The following ZBBX variants were observed in gnomAD, a reference collection of about 807,000 sequenced individuals.
ZBBX encodes zinc finger B-box domain-containing protein 1.
ZBBX carries 101 observed loss-of-function variants against 108.5 expected under a neutral mutation model. The ratio of observed to expected loss-of-function variants is 0.93; its 90% CI spans 0.79 to 1.10. The LOEUF is 1.10. Ranked by LOEUF, ZBBX falls within the 50% of genes least tolerant of loss-of-function variation. ZBBX has a pLI of 0.00. For missense variants in ZBBX, 1,009 were observed against 941.4 expected, an observed-to-expected ratio of 1.07 and a Z score of -0.94; for synonymous variants, 356 against 323.4, an observed-to-expected ratio of 1.10 and a Z score of -1.08.
At chr3:167,302,157 G>A (rs886795869) in intron 17 of ZBBX, among the ~76,000 whole-genome samples, 1 of 152,036 alleles carries the variant, frequency 6.6e-6, no homozygotes, top group African/African-American at 2.4e-5. Context: ...TGTTCCATGT[G>A]TTCTTACAAA....
chr3:167,191,896 C>CAT, the ZBBX span, among the ~76,000 whole-genome samples: 3,678 of 67,498 alleles, frequency 0.054, 240 homozygotes, highest in Middle Eastern at 0.08. Context: ...TTACAAAAAT[C>CAT]ATATATATAT....
the ZBBX span, among the ~76,000 whole-genome samples, chr3:167,179,887 A>T: frequency 6.6e-6 from 1 of 152,224 alleles, no homozygotes; most frequent in Non-Finnish European, 1.5e-5. Context: ...AATACCCACA[A>T]AGTCAAATAA....
intron 12 of ZBBX, among the ~76,000 whole-genome samples, chr3:167,320,103 C>G (rs781407883): frequency 5.3e-5 from 8 of 151,308 alleles, no homozygotes; most frequent in Non-Finnish European, 7.4e-5. Flanking sequence ...ATGATCACAC[C>G]TAGAGTCCAG....
At chr3:167,226,186 A>G in the ZBBX span, among the ~76,000 whole-genome samples, 1 of 151,752 alleles carries the variant, frequency 6.6e-6, no homozygotes, top group Admixed American at 6.6e-5. Flanking sequence ...TTAGAGCCAG[A>G]TTTTCAGACT....
At chr3:167,230,299 A>C in the ZBBX span, among the ~76,000 whole-genome samples, 1 of 151,976 alleles carries the variant, frequency 6.6e-6, no homozygotes, top group South Asian at 2.1e-4. Flanking sequence ...TTTCTTTATT[A>C]AGTTGATATT....
At chr3:167,213,901 AT>A in the ZBBX span, among the ~76,000 whole-genome samples, 1 of 152,114 alleles carries the variant, frequency 6.6e-6, no homozygotes. Flanking sequence ...GAAAAAAAAA[AT>A]CTTCAACCAA....
chr3:167,233,096 G>A, the ZBBX span, among the ~76,000 whole-genome samples: 1 of 151,678 alleles, frequency 6.6e-6, no homozygotes, highest in Non-Finnish European at 1.5e-5. Context: ...AGAAGCCTAT[G>A]GCATACCAGA....
intron 9 of ZBBX, among the ~76,000 whole-genome samples, chr3:167,339,824 C>T (rs951051347): frequency 2.6e-5 from 4 of 152,038 alleles, no homozygotes; most frequent in Non-Finnish European, 5.9e-5. Flanking sequence ...CTCCTTGCCT[C>T]TCACGCGTCG....
chr3:167,393,446 G>A (rs1000865004), intron 1 of ZBBX, among the ~76,000 whole-genome samples: 4 of 151,646 alleles, frequency 2.6e-5, no homozygotes, highest in African/African-American at 4.8e-5. Context: ...ATTTTATCAT[G>A]ATCTTGCTTA....
At position 167,263,015 on chromosome 3, in the gene ZBBX, TTGTG is replaced by T. The variant is rs1295634454; in HGVS notation, c.2254+19219_2254+19222del. Among the ~76,000 whole-genome samples, 20 of 151,192 alleles carry T rather than the reference TTGTG, an allele frequency of 1.3e-4. 1 individual carries two copies. In the South Asian group the frequency reaches 4.2e-3, roughly 32 times the overall value. ...TTCTTCCACTAATTTGAGGTTTGGTTTGTGCTTGCTTTTCTAGTTCTTTTTTTTT... is the reference window on the plus strand; with the variant it reads ...TTCTTCCACTAATTTGAGGTTTGGTTCTTGCTTTTCTAGTTCTTTTTTTTT... On this transcript the variant is annotated intron_variant, in intron 20 of 21. Transcript: ENST00000675490.
At chr3:167,212,352 T>C in the ZBBX span, among the ~76,000 whole-genome samples, 1 of 152,154 alleles carries the variant, frequency 6.6e-6, no homozygotes, top group East Asian at 1.9e-4. Flanking sequence ...ATTGAGCCAG[T>C]ACCAACTCAG....
At position 167,369,235 on chromosome 3, in the gene ZBBX, T is replaced by C. The variant is rs1560194028; in HGVS notation, c.69-661A>G. Among the ~76,000 whole-genome samples the C allele has an allele frequency of 2.0e-5, 3 of 152,366 alleles. No homozygotes were observed. The East Asian group carries it at 5.8e-4, about 29-fold the overall frequency. The stretch of plus-strand genomic sequence containing the variant: ...TATTAGCCACCGACTCTTTCTTTCA[T>C]AGATCTAACCCAAACTAATTCTCTA... On this transcript the variant is annotated intron_variant, in intron 4 of 21. Coordinates refer to ENST00000675490, the MANE Select transcript of ZBBX (RefSeq NM_001199201.2).
chr3:167,223,778 C>T, the ZBBX span, among the ~76,000 whole-genome samples: 2 of 151,832 alleles, frequency 1.3e-5, no homozygotes, highest in African/African-American at 4.8e-5. Flanking sequence ...CTTAAGAATT[C>T]ATAGCTTTTA....
At chr3:167,370,401 C>T (rs1257298538) in intron 4 of ZBBX, among the ~76,000 whole-genome samples, 1 of 152,154 alleles carries the variant, frequency 6.6e-6, no homozygotes, top group Non-Finnish European at 1.5e-5. Flanking sequence ...ACAGACCATT[C>T]TGAAATGGGC....
Position 167,242,528 on chromosome 3 carries a change from AC to A in ZBBX, c.2369del (p.Gly790ValfsTer8), listed in dbSNP as rs781297155. ...ACCTCAATTCCTCAACTCCACAGGG[AC>A]CCCTCACATGTGAGGTCTTAAGGAA... ...TDFLKTSHVRGPCGVEELSCS... is the reference protein window; with the variant it reads ...TDFLKTSHVRXPCGVEELSCS... On this transcript the variant is annotated frameshift_variant, in exon 21 of 22. Transcript: ENST00000675490. LOFTEE classifies it low-confidence loss of function (END_TRUNC). 1 of 1,611,852 alleles carries A rather than the reference AC, an allele frequency of 6.2e-7. No homozygotes were observed. Among genetic ancestry groups the A allele is most frequent in the South Asian group, 1.1e-5 (1 of 90,616 alleles).
chr3:167,342,530 C>T (rs984705398), intron 9 of ZBBX, among the ~76,000 whole-genome samples: 5 of 151,656 alleles, frequency 3.3e-5, no homozygotes, highest in African/African-American at 1.2e-4. Context: ...AACACCCCTA[C>T]ATGCATCCAT....
chr3:167,380,569 G>C (rs1375910677), upstream of ZBBX, among the ~76,000 whole-genome samples: 3 of 152,100 alleles, frequency 2.0e-5, 1 homozygote, highest in African/African-American at 7.2e-5. Context: ...TGTCATATTT[G>C]ATTCTTCCTC....
the ZBBX span, among the ~76,000 whole-genome samples, chr3:167,181,905 A>T: frequency 6.6e-6 from 1 of 152,312 alleles, no homozygotes; most frequent in African/African-American, 2.4e-5. Context: ...CAGAAGGCTA[A>T]CATCTTTTGT....
intron 1 of ZBBX, among the ~76,000 whole-genome samples, chr3:167,399,275 T>C (rs1748344727): frequency 6.6e-6 from 1 of 152,270 alleles, no homozygotes; most frequent in East Asian, 1.9e-4. Context: ...ATTGTACCTT[T>C]GCAGTTTCAG....
Sources: allele counts gnomAD v4.1 joint callset (sites outside exome capture counted in the v4.1 genomes callset), GRCh38; gene constraint gnomAD v4.1.1; transcripts MANE v1.5; gene names NCBI Gene and HGNC (gene_info 2026-07-23, HGNC 2026-07-21).